MBD5: variants seen among roughly 807,000 people sequenced by gnomAD.
MBD5 encodes methyl-CpG binding domain protein 5, also known as methyl-CpG-binding domain protein 5.
Under a neutral mutation model 117.3 loss-of-function variants are expected in MBD5, and 13 were observed. The ratio of observed to expected loss-of-function variants is 0.11; its 90% CI spans 0.07 to 0.18. MBD5 has a LOEUF of 0.18. Among genes scored for constraint, MBD5 ranks in the 10% least tolerant of loss-of-function variants. The pLI is 1.00. For missense variants in MBD5, 1,879 were observed against 2,093.8 expected, an observed-to-expected ratio of 0.90 and a Z score of 2.00; for synonymous variants, 727 against 766.4, an observed-to-expected ratio of 0.95 and a Z score of 0.85.
chr2:148,450,852 G>A (rs1706705798), intron 4 of MBD5, among the ~76,000 whole-genome samples: 1 of 152,092 alleles, frequency 6.6e-6, no homozygotes, highest in Non-Finnish European at 1.5e-5. Context: ...TGTATAAGTT[G>A]CTGAATTTTT....
intron 3 of MBD5, among the ~76,000 whole-genome samples, chr2:148,263,947 A>G (rs766271316): frequency 2.0e-5 from 3 of 152,136 alleles, no homozygotes; most frequent in Non-Finnish European, 4.4e-5. Context: ...CCAGCAACCT[A>G]TGTATAGTAT....
intron 3 of MBD5, among the ~76,000 whole-genome samples, chr2:148,307,992 T>C (rs1049364532): frequency 2.6e-5 from 4 of 152,144 alleles, no homozygotes; most frequent in Non-Finnish European, 5.9e-5. Context: ...TACAGCTGCA[T>C]AGTATTCCAT....
At position 148,469,852 on chromosome 2, in the gene MBD5, G is replaced by T. The variant is rs750882049; in HGVS notation, c.1909G>T (p.Gly637Trp). Residue 637 changes from glycine (G) to tryptophan (W), a missense_variant, in exon 8 of 14, where the codon GGG becomes TGG. Gly to Trp is a radical substitution (Grantham distance 184). Transcript: ENST00000642680. ...TANMLLPTGE[G>W]QSGRAALRDK... Reference sequence around the variant, plus strand: ...CAACATGCTTCTCCCAACAGGTGAAGGGCAAAGTGGTCGAGCAGCACTAAG... The same window carrying T: ...CAACATGCTTCTCCCAACAGGTGAATGGCAAAGTGGTCGAGCAGCACTAAG... The T allele has an allele frequency of 1.6e-5, 26 of 1,613,932 alleles. No individual in the cohort carries two copies. The highest frequency in any genetic ancestry group is 2.0e-5 in the Non-Finnish European group (24 of 1,179,900).
intron 4 of MBD5, among the ~76,000 whole-genome samples, chr2:148,381,020 A>G (rs1258073290): frequency 2.0e-5 from 3 of 152,188 alleles, no homozygotes; most frequent in Non-Finnish European, 4.4e-5. Context: ...AAGATGGGGA[A>G]AAAACAGAGC....
At chr2:148,304,298 C>G (rs1332916632) in intron 3 of MBD5, among the ~76,000 whole-genome samples, 7 of 152,084 alleles carry the variant, frequency 4.6e-5, no homozygotes, top group African/African-American at 1.2e-4. Flanking sequence ...AGGCACACAA[C>G]AGTTAAGCAA....
chr2:148,348,423 C>T (rs1703174450), intron 4 of MBD5, among the ~76,000 whole-genome samples: 1 of 152,014 alleles, frequency 6.6e-6, no homozygotes, highest in Non-Finnish European at 1.5e-5. Flanking sequence ...AATTAGAATA[C>T]ACCTTTGAAG....
At chr2:148,095,157 A>G (rs1054659287) in intron 1 of MBD5, among the ~76,000 whole-genome samples, 3 of 152,232 alleles carry the variant, frequency 2.0e-5, no homozygotes, top group African/African-American at 7.2e-5. Flanking sequence ...GATCACTTTT[A>G]GTAAATCCAG....
intron 3 of MBD5, among the ~76,000 whole-genome samples, chr2:148,318,210 T>C (rs1401517183): frequency 6.6e-6 from 1 of 152,192 alleles, no homozygotes; most frequent in Non-Finnish European, 1.5e-5. Context: ...TGATTAGTGA[T>C]GTTGAGCATT....
intron 1 of MBD5, among the ~76,000 whole-genome samples, chr2:148,068,283 AT>A (rs1258268794): frequency 1.3e-5 from 2 of 152,170 alleles, no homozygotes; most frequent in African/African-American, 4.8e-5. Flanking sequence ...GGAATACCTG[AT>A]TCTGCCCTAC....
chr2:148,448,423 C>T (rs1010878379), intron 4 of MBD5, among the ~76,000 whole-genome samples: 7 of 151,766 alleles, frequency 4.6e-5, no homozygotes, highest in African/African-American at 7.3e-5. Context: ...TGGGTTTCTT[C>T]AGTGGGTAAG....
chr2:148,147,891 G>A (rs1697509478), intron 1 of MBD5, among the ~76,000 whole-genome samples: 1 of 152,084 alleles, frequency 6.6e-6, no homozygotes, highest in African/African-American at 2.4e-5. Flanking sequence ...TCAGCCAGAG[G>A]TGAGAGCTTA....
intron 1 of MBD5, among the ~76,000 whole-genome samples, chr2:148,079,035 T>C (rs1415637032): frequency 6.6e-6 from 1 of 152,246 alleles, no homozygotes; most frequent in Non-Finnish European, 1.5e-5. Context: ...CCTATGGTAG[T>C]GATCTTCTTG....
At chr2:148,056,742 C>T (rs1424581187) in intron 1 of MBD5, among the ~76,000 whole-genome samples, 1 of 151,796 alleles carries the variant, frequency 6.6e-6, no homozygotes, top group Non-Finnish European at 1.5e-5. Flanking sequence ...CTGTAATTGC[C>T]CTTTTTAAAA....
chr2:148,296,165 G>T (rs1026208904), intron 3 of MBD5: 2 of 202,580 alleles, frequency 9.9e-6, no homozygotes, highest in South Asian at 1.0e-4. Context: ...CATTGGGTCT[G>T]GTGTGCTGTT....
intron 3 of MBD5, among the ~76,000 whole-genome samples, chr2:148,284,541 C>A (rs1574238601): frequency 6.6e-6 from 1 of 152,126 alleles, no homozygotes; most frequent in Non-Finnish European, 1.5e-5. Flanking sequence ...AGTTACCCCC[C>A]TCTCATGGAG....
chr2:148,510,681 A>C (rs1473737796), intron 13 of MBD5, among the ~76,000 whole-genome samples: 1 of 152,240 alleles, frequency 6.6e-6, no homozygotes. Flanking sequence ...TGAATTGTCT[A>C]AGGCTATTTA....
chr2:148,121,373 A>C (rs897661651), intron 1 of MBD5, among the ~76,000 whole-genome samples: 3 of 152,124 alleles, frequency 2.0e-5, no homozygotes, highest in African/African-American at 7.2e-5. Flanking sequence ...CTAAAAAAAT[A>C]AGATTTTATT....
intron 1 of MBD5, among the ~76,000 whole-genome samples, chr2:148,166,144 T>C (rs1402513323): frequency 6.6e-6 from 1 of 152,208 alleles, no homozygotes; most frequent in Non-Finnish European, 1.5e-5. Flanking sequence ...AAGCTCTTTA[T>C]GGTTGCACTT....
chr2:148,437,686 A>T (rs1706194799), intron 4 of MBD5, among the ~76,000 whole-genome samples: 1 of 152,022 alleles, frequency 6.6e-6, no homozygotes, highest in South Asian at 2.1e-4. Flanking sequence ...GCAAGCAGAA[A>T]CAGGCATACT....
Sources: allele counts gnomAD v4.1 joint callset (sites outside exome capture counted in the v4.1 genomes callset), GRCh38; gene constraint gnomAD v4.1.1; transcripts MANE v1.5; gene names NCBI Gene and HGNC (gene_info 2026-07-23, HGNC 2026-07-21).